INTS6: variants seen among roughly 807,000 people sequenced by gnomAD.
The protein encoded by INTS6 is integrator complex subunit 6.
A neutral mutation model predicts 104.9 loss-of-function variants in INTS6; 16 were observed. The ratio of observed to expected loss-of-function variants is 0.15; its 90% CI spans 0.10 to 0.23. INTS6 has a LOEUF of 0.23. Ranked by LOEUF, INTS6 falls within the 10% of genes least tolerant of loss-of-function variation. INTS6 has a pLI of 1.00. For missense variants in INTS6, 584 were observed against 1,062.8 expected (o/e 0.55, Z 6.26); for synonymous variants, 324 against 358.7 (o/e 0.90, Z 1.09).
chr13:51,387,679 T>C (rs970944431), intron 6 of INTS6, 139 bp from the exon 7 acceptor site: 3 of 631,642 alleles, frequency 4.7e-6, no homozygotes, highest in Admixed American at 3.3e-5. Flanking sequence ...TTTTCTTAAA[T>C]GGCAGAACAC....
At chr13:51,419,708 C>T (rs188663960) in intron 4 of INTS6, among the ~76,000 whole-genome samples, 2 of 152,314 alleles carry the variant, frequency 1.3e-5, no homozygotes, top group Admixed American at 1.3e-4. Context: ...AACTTCACTA[C>T]TGTTCAATAA....
intron 4 of INTS6, among the ~76,000 whole-genome samples, chr13:51,413,910 C>A (rs557526167): frequency 1.4e-4 from 21 of 152,162 alleles, no homozygotes; most frequent in Non-Finnish European, 2.9e-4. Flanking sequence ...CCTTTAATTT[C>A]TGATAACTGC....
chr13:51,375,733 G>GAA (rs1555283815), intron 13 of INTS6, among the ~76,000 whole-genome samples: 6 of 117,804 alleles, frequency 5.1e-5, no homozygotes, highest in South Asian at 3.3e-4. Flanking sequence ...TTTGATAAGT[G>GAA]GGTGTGTGTG....
At chr13:51,439,921 C>G (rs1310679061) in intron 3 of INTS6, 1 of 152,014 alleles carries the variant, frequency 6.6e-6, no homozygotes, top group African/African-American at 2.4e-5. Context: ...CCTGTGTGCG[C>G]CTAGAAAAAT....
At chr13:51,427,113 T>G (rs954923369) in intron 4 of INTS6, among the ~76,000 whole-genome samples, 1 of 152,120 alleles carries the variant, frequency 6.6e-6, no homozygotes, top group South Asian at 2.1e-4. Flanking sequence ...ATATACAATG[T>G]TGGATAACAT....
At position 51,452,468 on chromosome 13, in the gene INTS6, G is replaced by T; in HGVS notation, c.58C>A (p.Leu20Met). Residue 20 changes from leucine (L) to methionine (M), a missense_variant, in exon 1 of 18, where the codon CTG becomes ATG. Coordinates refer to ENST00000311234, the MANE Select transcript of INTS6 (RefSeq NM_012141.3). This position sits in a 1 kb window ranked among gnomAD's most constrained non-coding sequence, Gnocchi z 4.2. The stretch of plus-strand genomic sequence containing the variant: ...GCCGTGTCCAGGTAGGTGGTGCCCA[G>T]ATGGCTGCGCTGGTTCATAGAGGCA... ...TSASMNQRSH[L>M]GTTYLDTAKG... 1 of 1,612,338 alleles carries T rather than the reference G, an allele frequency of 6.2e-7. No homozygotes were observed. Among genetic ancestry groups the T allele is most frequent in the Non-Finnish European group, 8.5e-7 (1 of 1,178,944 alleles).
intron 7 of INTS6, chr13:51,384,196 A>G (rs1432843891): frequency 6.3e-6 from 1 of 159,416 alleles, no homozygotes; most frequent in Non-Finnish European, 1.4e-5. Flanking sequence ...ATATACCAAA[A>G]TGGTATGAAA....
chr13:51,421,429 T>G, intron 4 of INTS6: 1 of 382,826 alleles, frequency 2.6e-6, no homozygotes, highest in Non-Finnish European at 3.6e-6. Flanking sequence ...GGGAAAAATA[T>G]ACCAAAACAG....
rs1254829802 is a variant in INTS6 at position 51,355,005 on chromosome 13, A to C, written n.431-669T>G. 4.8e-6 allele frequency: 5 copies of C among 1,046,686 alleles called. No individual in the cohort carries two copies. The Admixed American group carries it at 1.0e-4, about 21-fold the overall frequency. The allele number at this position is 1,046,686 out of a possible 1,614,324, so 64.8% of individuals were successfully genotyped here. ...GGTGTGTATGAAAGTATATTGAGTG[A>C]GAATTTTGAAAGTTGATGGTTTGTT... On this transcript the variant is annotated intron_variant and non_coding_transcript_variant, in intron 3 of 3. Transcript: ENST00000476666.
chr13:51,426,503 C>T (rs1239116690), intron 4 of INTS6, among the ~76,000 whole-genome samples: 1 of 152,056 alleles, frequency 6.6e-6, no homozygotes, highest in Non-Finnish European at 1.5e-5. Flanking sequence ...TAAAAATGCA[C>T]ATTATACAAG....
chr13:51,361,996 A>C lies in INTS6; in HGVS notation c.*3756T>G. The stretch of plus-strand genomic sequence containing the variant: ...CCCCTCAAAAATAAGCATTCTTTCT[A>C]GCTGTTTTTATGGTGCTTCAGAAGC... On this transcript the variant is annotated 3_prime_UTR_variant, in exon 18 of 18. Coordinates refer to ENST00000311234, the MANE Select transcript of INTS6 (RefSeq NM_012141.3). 1.2e-6 allele frequency: 2 copies of C among 1,610,276 alleles called. No individual in the cohort carries two copies. Among genetic ancestry groups the C allele is most frequent in the Non-Finnish European group, 1.7e-6 (2 of 1,177,936 alleles).
chr13:51,409,194 C>T (rs1956635112), intron 4 of INTS6, among the ~76,000 whole-genome samples: 2 of 150,894 alleles, frequency 1.3e-5, no homozygotes, highest in East Asian at 3.9e-4. Context: ...ACAGTGGAGG[C>T]AGAGGTTGTA....
intron 3 of INTS6, among the ~76,000 whole-genome samples, chr13:51,354,790 A>T (rs973828344): frequency 6.6e-6 from 1 of 152,274 alleles, no homozygotes; most frequent in South Asian, 2.1e-4. Context: ...TGAAAAATGG[A>T]TAATAACTAA....
chr13:51,421,232 C>T (rs963123752), intron 4 of INTS6: 8 of 985,242 alleles, frequency 8.1e-6, no homozygotes, highest in South Asian at 4.7e-5. Flanking sequence ...AGGATCAGGT[C>T]GATCCTGTAT....
Position 51,452,289 on chromosome 13 carries a change from G to A in INTS6, c.111+126C>T. ...CCCGCCCGCCCGCGCGGTGGGGGAG[G>A]GGGTCCCCGAGCCCGGCAGCTCCCG... On this transcript the variant is annotated intron_variant, in intron 1 of 17. Coordinates refer to ENST00000311234, the MANE Select transcript of INTS6 (RefSeq NM_012141.3). The surrounding 1 kb of genome is among the most constrained non-coding windows in gnomAD (Gnocchi z 4.2). The A allele has an allele frequency of 9.7e-7, 1 of 1,025,930 alleles. No homozygotes were observed. Among genetic ancestry groups the A allele is most frequent in the Non-Finnish European group, 1.2e-6 (1 of 819,200 alleles). 63.6% of individuals were successfully genotyped at this position (1,025,930 alleles called of 1,614,324 possible).
chr13:51,421,188 T>C (rs978103497), intron 4 of INTS6: 5 of 985,604 alleles, frequency 5.1e-6, no homozygotes, highest in South Asian at 4.7e-5. Context: ...AGACAAGGCT[T>C]TTCCCCACGA....
At chr13:51,432,277 A>G (rs1291512364) in intron 3 of INTS6, among the ~76,000 whole-genome samples, 1 of 152,162 alleles carries the variant, frequency 6.6e-6, no homozygotes, top group Admixed American at 6.5e-5. Flanking sequence ...TCCATGGAGC[A>G]CAATTTGAAT....
downstream of INTS6, among the ~76,000 whole-genome samples, chr13:51,353,472 C>T (rs1955431093): frequency 6.6e-6 from 1 of 152,156 alleles, no homozygotes; most frequent in Non-Finnish European, 1.5e-5. Flanking sequence ...AAAGTAACTT[C>T]CCACGGAGGT....
At chr13:51,412,347 A>C (rs1326565138) in intron 4 of INTS6, among the ~76,000 whole-genome samples, 1 of 152,218 alleles carries the variant, frequency 6.6e-6, no homozygotes, top group Non-Finnish European at 1.5e-5. Context: ...AGCATATGCA[A>C]AATGTGAGTG....
Sources: gnomAD v4.1 joint callset for allele counts (sites outside exome capture counted in the v4.1 genomes callset) on GRCh38, gnomAD v4.1.1 for gene constraint, Gnocchi (gnomAD v3.1) non-coding constraint, MANE v1.5 for transcripts, NCBI Gene and HGNC (gene_info 2026-07-23, HGNC 2026-07-21) for gene names.